BTBD8: variants seen among roughly 807,000 people sequenced by gnomAD.
BTBD8 encodes BTB domain containing 8, also known as BTB/POZ domain-containing protein 8.
Under a neutral mutation model 162.9 loss-of-function variants are expected in BTBD8, and 110 were observed. The observed-to-expected ratio is 0.68, with a 90% CI of 0.58 to 0.79. The LOEUF (loss-of-function observed/expected upper bound fraction) is 0.79, where lower values mean the gene tolerates loss of function less well. Among genes scored for constraint, BTBD8 ranks in the 30% least tolerant of loss-of-function variants. The pLI is 0.00. For missense variants in BTBD8, 1,905 were observed against 2,085.4 expected (o/e 0.91, Z 1.68); for synonymous variants, 667 against 716.1 (o/e 0.93, Z 1.10).
Position 92,181,380 on chromosome 1 carries a change from G to A in BTBD8, c.3697G>A (p.Gly1233Ser). The A allele has an allele frequency of 6.4e-7, 1 of 1,551,616 alleles. No homozygotes were observed. Among genetic ancestry groups the A allele is most frequent in the Non-Finnish European group, 8.7e-7 (1 of 1,146,974 alleles). ...SHETPETPFVGHWNLSTGVLH... is the reference protein window; with the variant it reads ...SHETPETPFVSHWNLSTGVLH... ...TGAAACTCCAGAAACTCCATTTGTG[G>A]GTCACTGGAATTTGAGTACTGGTGT... is the stretch of plus-strand genomic sequence containing the variant. Residue 1233 changes from glycine to serine, a missense_variant, in exon 17 of 18, where the codon GGT becomes AGT. This residue lies in a region of BTBD8 where 1,374 missense variants were observed against 1,442.7 expected (regional missense o/e 0.95). Coordinates refer to ENST00000636805, the MANE Select transcript of BTBD8 (RefSeq NM_001376131.1).
At chr1:92,117,739 A>G (rs1193857300) in intron 4 of BTBD8, among the ~76,000 whole-genome samples, 2 of 152,070 alleles carry the variant, frequency 1.3e-5, no homozygotes, top group Non-Finnish European at 2.9e-5. Flanking sequence ...TGGGTCTCCT[A>G]TATCATCTCC....
intron 1 of BTBD8, 91 bp downstream of exon 1, chr1:92,080,811 T>A: frequency 6.6e-6 from 10 of 1,519,004 alleles, no homozygotes; most frequent in Non-Finnish European, 8.8e-6. Context: ...TGCCTCCCCC[T>A]CCCTCAGCAC....
chr1:92,149,902 G>A (rs1650007987), intron 9 of BTBD8, among the ~76,000 whole-genome samples: 1 of 152,112 alleles, frequency 6.6e-6, no homozygotes, highest in African/African-American at 2.4e-5. Context: ...GTCAATTCCA[G>A]CTGATTCTCT....
intron 2 of BTBD8, among the ~76,000 whole-genome samples, chr1:92,094,629 T>C (rs1210125093): frequency 6.6e-6 from 1 of 152,224 alleles, no homozygotes; most frequent in Non-Finnish European, 1.5e-5. Flanking sequence ...AGTTGTTTTA[T>C]ATGCAGTGAC....
intron 1 of BTBD8, 43 bp downstream of exon 1, chr1:92,080,763 G>C: frequency 6.4e-7 from 1 of 1,568,688 alleles, no homozygotes; most frequent in Non-Finnish European, 8.6e-7. Flanking sequence ...TTCCTAAATC[G>C]CCCACCTCCG....
rs138633535 is a variant in BTBD8, at chr1:92,083,521, T to G, written c.149+2801T>G. Among the ~76,000 whole-genome samples, 23 of 151,492 alleles carry G rather than the reference T, an allele frequency of 1.5e-4. 1 individual carries two copies. The East Asian group carries it at 4.3e-3, about 28-fold the overall frequency. On this transcript the variant is annotated intron_variant, in intron 1 of 17. Coordinates refer to ENST00000636805, the MANE Select transcript of BTBD8 (RefSeq NM_001376131.1). ...ACAAACCAGGGCCACATATAAGTAA[T>G]AAATAAATTTGGTAGCTTTATTCGG...
chr1:92,165,262 T>C (rs910800185), intron 9 of BTBD8, among the ~76,000 whole-genome samples: 3 of 152,208 alleles, frequency 2.0e-5, no homozygotes, highest in Admixed American at 6.5e-5. Flanking sequence ...TTTTAGTGTC[T>C]ACTATGACCC....
intron 9 of BTBD8, among the ~76,000 whole-genome samples, chr1:92,163,617 T>C (rs1298678829): frequency 1.3e-5 from 2 of 151,868 alleles, no homozygotes; most frequent in Non-Finnish European, 2.9e-5. Flanking sequence ...TATTGTTTAT[T>C]GTGAAGAGCG....
intron 6 of BTBD8, among the ~76,000 whole-genome samples, chr1:92,140,292 T>C (rs1301060202): frequency 6.6e-6 from 1 of 151,966 alleles, no homozygotes; most frequent in Non-Finnish European, 1.5e-5. Context: ...TAGGGCATCC[T>C]AAAGACCAAC....
At chr1:92,085,871 A>G (rs1648146469) in intron 1 of BTBD8, among the ~76,000 whole-genome samples, 1 of 152,178 alleles carries the variant, frequency 6.6e-6, no homozygotes, top group Non-Finnish European at 1.5e-5. Flanking sequence ...AAAGTTCGGC[A>G]GAGTCAAAGG....
chr1:92,132,236 C>T (rs1484531593), intron 5 of BTBD8, among the ~76,000 whole-genome samples: 1 of 151,924 alleles, frequency 6.6e-6, no homozygotes, highest in Non-Finnish European at 1.5e-5. Flanking sequence ...GAAAGGGATG[C>T]CTCTTCAACT....
intron 2 of BTBD8, among the ~76,000 whole-genome samples, chr1:92,090,640 T>C (rs1048147248): frequency 6.6e-6 from 1 of 152,224 alleles, no homozygotes; most frequent in Admixed American, 6.5e-5. Flanking sequence ...TAAATTCTTA[T>C]GTAGTCAGGC....
intron 4 of BTBD8, among the ~76,000 whole-genome samples, chr1:92,128,240 C>A (rs1249415698): frequency 1.3e-4 from 19 of 151,872 alleles, no homozygotes; most frequent in Non-Finnish European, 2.4e-4. Context: ...CCTCAGCCTC[C>A]CGAGTAGTTG....
chr1:92,150,826 A>G (rs1650027841), intron 9 of BTBD8: 1 of 151,932 alleles, frequency 6.6e-6, no homozygotes, highest in Non-Finnish European at 1.5e-5. Flanking sequence ...AAACATGCAA[A>G]CTCTACACAG....
chr1:92,178,595 ATT>A (rs1650791648), intron 16 of BTBD8, 144 bp downstream of exon 16: 1 of 681,144 alleles, frequency 1.5e-6, no homozygotes, highest in African/African-American at 1.8e-5. Flanking sequence ...TAGAGATGAG[ATT>A]GTAAACTTTT....
At position 92,177,131 on chromosome 1, in the gene BTBD8, T is replaced by G. The variant is rs1293184045; in HGVS notation, c.1938T>G (p.Asp646Glu). ...CAAAATCCAAAACAGAAAATGGTGA[T>G]AAGGCACGGTTGGAAAACATGTCAC... ...TVTKSKTENGDKARLENMSPR... is the reference protein window; with the variant it reads ...TVTKSKTENGEKARLENMSPR... Residue 646 changes from aspartate (D) to glutamate (E), a missense_variant, in exon 14 of 18, where the codon GAT (aspartate) becomes GAG (glutamate). Around this residue, in one of 3 missense-constraint regions of BTBD8, gnomAD observed 1,374 missense variants for 1,442.7 expected, o/e 0.95. Transcript: ENST00000636805. 6 of 1,551,534 alleles carry G rather than the reference T, an allele frequency of 3.9e-6. No homozygotes were observed. In the South Asian group the frequency reaches 5.9e-5, roughly 15 times the overall value.
Position 92,183,871 on chromosome 1 carries a change from AGAT to A in BTBD8, c.4924_4926del (p.Asp1642del). 6.5e-7 allele frequency: 1 copy of A among 1,547,510 alleles called. No homozygotes were observed. ...TATTATGAATTATTTCAGGAGACAT[AGAT>A]GATTGTGACACACTGGCACAAACCC... is the stretch of plus-strand genomic sequence containing the variant. On this transcript the variant is annotated inframe_deletion, in exon 18 of 18. Coordinates refer to ENST00000636805, the MANE Select transcript of BTBD8 (RefSeq NM_001376131.1).
chr1:92,084,750 C>T (rs1194141490), intron 1 of BTBD8, among the ~76,000 whole-genome samples: 7 of 152,176 alleles, frequency 4.6e-5, no homozygotes, highest in Non-Finnish European at 1.0e-4. Flanking sequence ...AGCCTGGTGC[C>T]TTCCCTACTG....
chr1:92,150,460 A>G (rs1337382511), intron 9 of BTBD8: 1 of 152,246 alleles, frequency 6.6e-6, no homozygotes, highest in Non-Finnish European at 1.5e-5. Context: ...TTCCAAAGCA[A>G]TCACAAATGT....
Sources: allele counts gnomAD v4.1 joint callset (sites outside exome capture counted in the v4.1 genomes callset), GRCh38; gene constraint gnomAD v4.1.1; regional missense constraint gnomAD v4.1.1; transcripts MANE v1.5; gene names NCBI Gene and HGNC (gene_info 2026-07-23, HGNC 2026-07-21).